Variants in PCDHGB3 observed in about 807,000 individuals in gnomAD.
The protein encoded by PCDHGB3 is protocadherin gamma-B3.
In PCDHGB3, 40 loss-of-function variants were observed where a neutral mutation model predicts 59.2. The observed-to-expected ratio is 0.68, with a 90% CI of 0.52 to 0.88. The LOEUF (loss-of-function observed/expected upper bound fraction) is 0.88. PCDHGB3 is among the 40% of genes least tolerant of loss of function. The probability of loss-of-function intolerance (pLI) is 0.00; values close to 1 mark genes in which losing one functional copy is unlikely to be tolerated. For missense variants in PCDHGB3, 1,309 were observed against 1,187.9 expected (o/e 1.10, Z -1.50); for synonymous variants, 581 against 503.6 (o/e 1.15, Z -2.06).
chr5:141,460,938 A>G (rs532872249), intron 1 of PCDHGB3, among the ~76,000 whole-genome samples: 38 of 149,918 alleles, frequency 2.5e-4, no homozygotes, highest in African/African-American at 9.1e-4. Context: ...GTGTGTGTAT[A>G]TATATGTATT....
chr5:141,393,473 G>A (rs1190605709), intron 1 of PCDHGB3: 1 of 1,614,044 alleles, frequency 6.2e-7, no homozygotes, highest in East Asian at 2.2e-5. Flanking sequence ...GCGGCAAGCC[G>A]CCTCGCTCTA....
chr5:141,396,179 C>G (rs948602586), intron 1 of PCDHGB3: 1 of 152,178 alleles, frequency 6.6e-6, no homozygotes, highest in African/African-American at 2.4e-5. Context: ...CTTGGCTGGA[C>G]ACAGTGCCTC....
chr5:141,413,686 C>T, intron 1 of PCDHGB3: 4 of 1,613,812 alleles, frequency 2.5e-6, no homozygotes, highest in Non-Finnish European at 3.4e-6. Context: ...CGTGAACTCC[C>T]TGCAGAGCTA....
chr5:141,443,618 G>A (rs901899343), intron 1 of PCDHGB3, among the ~76,000 whole-genome samples: 2 of 152,178 alleles, frequency 1.3e-5, no homozygotes, highest in Non-Finnish European at 2.9e-5. Context: ...TTATAATCAG[G>A]TGATTGTAAA....
intron 1 of PCDHGB3, among the ~76,000 whole-genome samples, chr5:141,450,685 C>T (rs542985781): frequency 6.6e-6 from 1 of 152,020 alleles, no homozygotes; most frequent in South Asian, 2.1e-4. Context: ...CGGGGTTTTG[C>T]CATGTTGCCC....
rs766387243 is a variant in PCDHGB3 at position 141,489,017 on chromosome 5, TCTC to T, written c.2416-5782_2416-5780del. The stretch of plus-strand genomic sequence containing the variant: ...GGGAGATCTGCTCTTCCAGCCCGCC[TCTC>T]CTCCTCCAGCTCCCCAGCTCCACTC... On this transcript the variant is annotated intron_variant, in intron 1 of 3. Transcript: ENST00000576222. This position sits in a 1 kb window ranked among gnomAD's most constrained non-coding sequence, Gnocchi z 4.5. 2 of 435,354 alleles carry T rather than the reference TCTC, an allele frequency of 4.6e-6. No individual in the cohort carries two copies. Among genetic ancestry groups the T allele is most frequent in the Non-Finnish European group, 8.1e-6 (2 of 247,876 alleles). The allele number at this position is 435,354 out of a possible 1,614,324, so 27.0% of individuals were successfully genotyped here. A position where few individuals can be genotyped will look rare whatever the true frequency, so the allele number is the denominator to read the frequency against.
chr5:141,421,047 C>G, intron 1 of PCDHGB3: 1 of 552,794 alleles, frequency 1.8e-6, no homozygotes, highest in Middle Eastern at 4.8e-4. Flanking sequence ...CCTCCCCCGC[C>G]TCTACCACAC....
chr5:141,372,371 G>A lies in PCDHGB3; in HGVS notation c.1977G>A (p.Met659Ile). Residue 659 changes from methionine to isoleucine, a missense_variant, in exon 1 of 4, where the codon ATG (methionine) becomes ATA (isoleucine). Met to Ile is a conservative substitution (Grantham distance 10). Transcript: ENST00000576222. Reference protein sequence around the residue: ...GGQQPLSATVMLHLIFADSLQ... With the variant: ...GGQQPLSATVILHLIFADSLQ... ...AGCAGCCTCTTTCAGCCACCGTCATGCTGCACCTAATCTTCGCAGATAGCT... is the reference window on the plus strand; with the variant it reads ...AGCAGCCTCTTTCAGCCACCGTCATACTGCACCTAATCTTCGCAGATAGCT... 6.2e-7 allele frequency: 1 copy of A among 1,613,974 alleles called. No individual in the cohort carries two copies. The highest frequency in any genetic ancestry group is 8.5e-7 in the Non-Finnish European group (1 of 1,179,910).
intron 1 of PCDHGB3, chr5:141,385,044 G>T: frequency 1.9e-6 from 3 of 1,614,146 alleles, no homozygotes; most frequent in South Asian, 2.2e-5. Context: ...TGGCGCTCAG[G>T]CTGCGGCGCT....
At position 141,490,551 on chromosome 5, in the gene PCDHGB3, T is replaced by A; in HGVS notation, c.2416-4256T>A. On this transcript the variant is annotated intron_variant, in intron 1 of 3. Coordinates refer to ENST00000576222, the MANE Select transcript of PCDHGB3 (RefSeq NM_018924.5). This position sits in a 1 kb window ranked among gnomAD's most constrained non-coding sequence, Gnocchi z 5.4. ...CTGGTTCACCTTCCCTACACAAACA[T>A]CTCACCATCAGGCTCAACATTTCAG... is the stretch of plus-strand genomic sequence containing the variant. 1 of 1,614,088 alleles carries A rather than the reference T, an allele frequency of 6.2e-7. No individual in the cohort carries two copies. Among genetic ancestry groups the A allele is most frequent in the East Asian group, 2.2e-5 (1 of 44,874 alleles).
At chr5:141,385,409 T>C in intron 1 of PCDHGB3, 1 of 1,478,112 alleles carries the variant, frequency 6.8e-7, no homozygotes, top group South Asian at 1.4e-5. Context: ...GTTTTGAAAA[T>C]AGGGATTTAA....
chr5:141,479,625 T>C (rs2099501262), intron 1 of PCDHGB3: 1 of 152,228 alleles, frequency 6.6e-6, no homozygotes, highest in Non-Finnish European at 1.5e-5. Flanking sequence ...ACCATGTCTC[T>C]TTAACAATAA....
chr5:141,478,272 A>T, intron 1 of PCDHGB3: 7 of 1,614,160 alleles, frequency 4.3e-6, no homozygotes, highest in Non-Finnish European at 5.9e-6. Context: ...AAAGTTTACA[A>T]GTGGAAGCAG....
At chr5:141,423,265 G>C in intron 1 of PCDHGB3, 1 of 1,613,666 alleles carries the variant, frequency 6.2e-7, no homozygotes, top group Non-Finnish European at 8.5e-7. Flanking sequence ...CGGCAGCCTC[G>C]AGTCTCTGGC....
intron 1 of PCDHGB3, chr5:141,392,870 G>A (rs757363357): frequency 6.2e-7 from 1 of 1,613,226 alleles, no homozygotes; most frequent in East Asian, 2.2e-5. Flanking sequence ...TGTGCGCGCT[G>A]CTGGGAACGC....
At position 141,412,987 on chromosome 5, in the gene PCDHGB3, A is replaced by G. The variant is rs192699644; in HGVS notation, c.2415+40178A>G. The G allele has an allele frequency of 3.7e-3, 2,104 of 564,638 alleles. 8 individuals carry two copies. Among genetic ancestry groups the G allele is most frequent in the Admixed American group, 0.011 (308 of 27,526 alleles). 35.0% of individuals were successfully genotyped at this position (564,638 alleles called of 1,614,324 possible). ...AGGAGAGAAAACGCAGCCAGAGCTCAATCCGGATTCTCAGGGCTTCAACTA... is the reference window on the plus strand; with the variant it reads ...AGGAGAGAAAACGCAGCCAGAGCTCGATCCGGATTCTCAGGGCTTCAACTA... On this transcript the variant is annotated intron_variant, in intron 1 of 3. Transcript: ENST00000576222.
At chr5:141,374,495 T>C in intron 1 of PCDHGB3, 2 of 1,611,502 alleles carry the variant, frequency 1.2e-6, no homozygotes, top group Non-Finnish European at 8.5e-7. Context: ...AAAGGAAGAA[T>C]TGGAAGTGAA....
At chr5:141,455,160 GT>G (rs59530096) in intron 1 of PCDHGB3, among the ~76,000 whole-genome samples, 102 of 149,212 alleles carry the variant, frequency 6.8e-4, no homozygotes, top group East Asian at 7.9e-4. Flanking sequence ...TAGTTTGTTG[GT>G]TTTTTTTTTA....
At chr5:141,413,089 C>A in intron 1 of PCDHGB3, 1 of 1,401,120 alleles carries the variant, frequency 7.1e-7, no homozygotes, top group Non-Finnish European at 9.7e-7. Context: ...TACAGAGACA[C>A]CCTGAAGCCA....
Sources: gnomAD v4.1 joint callset for allele counts (sites outside exome capture counted in the v4.1 genomes callset) on GRCh38, gnomAD v4.1.1 for gene constraint, Gnocchi (gnomAD v3.1) non-coding constraint, MANE v1.5 for transcripts, NCBI Gene and HGNC (gene_info 2026-07-23, HGNC 2026-07-21) for gene names.